MYBL1: variants seen among roughly 807,000 people sequenced by gnomAD.
The protein encoded by MYBL1 is myb-related protein A.
A neutral mutation model predicts 96.3 loss-of-function variants in MYBL1; 17 were observed. That is an observed-to-expected ratio of 0.18 (90% CI 0.12 to 0.26). The LOEUF is 0.26. Ranked by LOEUF, MYBL1 falls within the 10% of genes least tolerant of loss-of-function variation. The pLI is 1.00. For missense variants in MYBL1, 701 were observed against 882.9 expected (o/e 0.79, Z 2.61); for synonymous variants, 282 against 292.7 (o/e 0.96, Z 0.37).
At chr8:66,594,755 G>A (rs1456568668) in intron 6 of MYBL1, among the ~76,000 whole-genome samples, 1 of 152,042 alleles carries the variant, frequency 6.6e-6, no homozygotes, top group African/African-American at 2.4e-5. Flanking sequence ...TACTCTAAGT[G>A]GTTCTTTTAA....
intron 8 of MYBL1, among the ~76,000 whole-genome samples, 179 bp from the exon 9 acceptor site, chr8:66,580,545 A>C (rs972032338): frequency 2.6e-5 from 4 of 152,218 alleles, no homozygotes; most frequent in Admixed American, 6.5e-5. Flanking sequence ...TTTCTAATTA[A>C]AATTTTTAAT....
chr8:66,573,906 T>G (rs1808832657), intron 10 of MYBL1, among the ~76,000 whole-genome samples: 1 of 152,202 alleles, frequency 6.6e-6, no homozygotes. Context: ...TTAGCTCTTA[T>G]TAATAAATGA....
Position 66,566,081 on chromosome 8 carries a change from A to C in MYBL1, c.2113T>G (p.Leu705Val). Residue 705 changes from leucine (L) to valine (V), a missense_variant, in exon 15 of 16, where the codon TTG becomes GTG. Leu to Val is a conservative substitution (Grantham distance 32). Around this residue, in one of 5 missense-constraint regions of MYBL1, gnomAD observed 137 missense variants for 137.5 expected, o/e 1.00. Coordinates refer to ENST00000522677, the MANE Select transcript of MYBL1 (RefSeq NM_001080416.4). ...PNPNTSKVVKLEKNLQSNCEW... is the reference protein window; with the variant it reads ...PNPNTSKVVKVEKNLQSNCEW... ...ATCCATACCTGAAGATTCTTTTCCA[A>C]TTTGACAACTTTGGAAGTGTTAGGG... 1.3e-6 allele frequency: 2 copies of C among 1,530,050 alleles called. No homozygotes were observed. Among genetic ancestry groups the C allele is most frequent in the Non-Finnish European group, 1.8e-6 (2 of 1,137,136 alleles). 94.8% of individuals were successfully genotyped at this position (1,530,050 alleles called of 1,614,324 possible).
rs1286942288 is a variant in MYBL1 at position 66,566,130 on chromosome 8, A to G, written c.2064T>C (p.Tyr688=). ...KQDINSTNKT[Y]TLTKKKPNPN... is the part of the protein sequence containing the mutation. ...GGTTTGGTTTCTTTTTAGTAAGTGT[A>G]TATGTTTTGTTGGTTGAATTTATAT... The change falls in exon 15 of 16, where the codon TAT becomes TAC. Residue 688 remains tyrosine, a synonymous_variant. Coordinates refer to ENST00000522677, the MANE Select transcript of MYBL1 (RefSeq NM_001080416.4). 2 of 1,545,404 alleles carry G rather than the reference A, an allele frequency of 1.3e-6. No homozygotes were observed. The highest frequency in any genetic ancestry group is 2.0e-5 in the Admixed American group (1 of 50,824).
In MYBL1 at chr8:66,591,278, C is replaced by T. The variant is rs544230094; in HGVS notation, c.867+1162G>A. ...AGGAGAATGACGTGAACCCAGGAGG[C>T]GGAGCTTGCAGTGAGCCAAGATCAC... On this transcript the variant is annotated intron_variant, in intron 8 of 15. Coordinates refer to ENST00000522677, the MANE Select transcript of MYBL1 (RefSeq NM_001080416.4). 5.0e-3 allele frequency among the ~76,000 whole-genome samples: 755 copies of T among 151,746 alleles called. 4 individuals are homozygous for T. The highest frequency in any genetic ancestry group is 0.01 in the Middle Eastern group (3 of 294).
chr8:66,590,934 A>C (rs909981274), intron 8 of MYBL1, among the ~76,000 whole-genome samples: 1 of 152,224 alleles, frequency 6.6e-6, no homozygotes, highest in Non-Finnish European at 1.5e-5. Flanking sequence ...CCCAAGACAG[A>C]GAAATTATAA....
intron 8 of MYBL1, among the ~76,000 whole-genome samples, chr8:66,589,131 C>G (rs773072490): frequency 6.6e-6 from 1 of 152,112 alleles, no homozygotes; most frequent in Admixed American, 6.5e-5. Context: ...TTTATGAGAA[C>G]AGATTTTAGA....
intron 12 of MYBL1, among the ~76,000 whole-genome samples, chr8:66,567,828 C>G (rs947262094): frequency 1.3e-5 from 2 of 152,024 alleles, no homozygotes; most frequent in African/African-American, 4.8e-5. Flanking sequence ...CTTTGGGAGG[C>G]TGAGGCGGGT....
Position 66,566,063 on chromosome 8 carries a change from C to A in MYBL1, c.2130+1G>T. 1 of 1,504,026 alleles carries A rather than the reference C, an allele frequency of 6.6e-7. No individual in the cohort carries two copies. The highest frequency in any genetic ancestry group is 2.6e-5 in the East Asian group (1 of 38,800). The allele number at this position is 1,504,026 out of a possible 1,614,324, so 93.2% of individuals were successfully genotyped here. On this transcript the variant is annotated splice_donor_variant, in intron 15 of 15. Transcript: ENST00000522677. LOFTEE classifies it high-confidence loss of function. Reference sequence around the variant, plus strand: ...CACTAAAGAAATTTATAAATCCATACCTGAAGATTCTTTTCCAATTTGACA... The same window carrying A: ...CACTAAAGAAATTTATAAATCCATAACTGAAGATTCTTTTCCAATTTGACA...
intron 8 of MYBL1, among the ~76,000 whole-genome samples, chr8:66,586,532 A>G (rs1468286724): frequency 6.6e-6 from 1 of 152,210 alleles, no homozygotes; most frequent in Non-Finnish European, 1.5e-5. Flanking sequence ...ACAAAAAATA[A>G]CAGATGCTGG....
intron 8 of MYBL1, among the ~76,000 whole-genome samples, chr8:66,587,195 AT>A (rs1809454189): frequency 6.6e-6 from 1 of 152,208 alleles, no homozygotes; most frequent in African/African-American, 2.4e-5. Flanking sequence ...TCAAATAACT[AT>A]AAAAGCAGGA....
chr8:66,578,743 G>C (rs1400447324), intron 9 of MYBL1, among the ~76,000 whole-genome samples: 1 of 152,164 alleles, frequency 6.6e-6, no homozygotes, highest in Non-Finnish European at 1.5e-5. Context: ...TATACCCAAA[G>C]GACTATAAAT....
chr8:66,562,775 T>A lies in MYBL1; in HGVS notation c.*1922A>T, dbSNP rs1309938674. 1 of 152,388 alleles carries A rather than the reference T, an allele frequency of 6.6e-6. No individual in the cohort carries two copies. The highest frequency in any genetic ancestry group is 1.5e-5 in the Non-Finnish European group (1 of 67,966). 9.4% of individuals were successfully genotyped at this position (152,388 alleles called of 1,614,324 possible). On this transcript the variant is annotated 3_prime_UTR_variant, in exon 16 of 16. Coordinates refer to ENST00000522677, the MANE Select transcript of MYBL1 (RefSeq NM_001080416.4). ...TGCTACAATCATTGGTTTCACTAAG[T>A]GAAATTTCTGTGAGAAGTTCATTAA...
rs2129669604 is a variant in MYBL1, at chr8:66,564,649, T to C, written c.*48A>G. The C allele has an allele frequency of 6.9e-7, 1 of 1,458,030 alleles. No homozygotes were observed. The highest frequency in any genetic ancestry group is 1.8e-4 in the Middle Eastern group (1 of 5,626). The allele number at this position is 1,458,030 out of a possible 1,614,324, so 90.3% of individuals were successfully genotyped here. A position where few individuals can be genotyped will look rare whatever the true frequency, so the allele number is the denominator to read the frequency against. ...AAAATTTCACTGCAACCTAATTTAG[T>C]AGAGACTGCAGTAAGGGAGTGGGGC... On this transcript the variant is annotated 3_prime_UTR_variant, in exon 16 of 16. Coordinates refer to ENST00000522677, the MANE Select transcript of MYBL1 (RefSeq NM_001080416.4).
intron 9 of MYBL1, among the ~76,000 whole-genome samples, chr8:66,579,389 G>T (rs1452935301): frequency 1.3e-5 from 2 of 151,990 alleles, no homozygotes; most frequent in Non-Finnish European, 2.9e-5. Context: ...AGGCATGGTG[G>T]CTCATGCCTG....
At chr8:66,601,826 T>G (rs1225968485) in intron 2 of MYBL1, 57 bp from the exon 3 acceptor site, 3 of 792,654 alleles carry the variant, frequency 3.8e-6, no homozygotes, top group Non-Finnish European at 6.1e-6. Flanking sequence ...CCTCTACCCC[T>G]AAATATAGAT....
At chr8:66,589,274 T>C (rs749104565) in intron 8 of MYBL1, among the ~76,000 whole-genome samples, 4 of 151,880 alleles carry the variant, frequency 2.6e-5, no homozygotes, top group Non-Finnish European at 4.4e-5. Context: ...AAACATGATA[T>C]AATCATCTAC....
intron 12 of MYBL1, among the ~76,000 whole-genome samples, chr8:66,569,780 T>C (rs1808657703): frequency 6.6e-6 from 1 of 152,268 alleles, no homozygotes; most frequent in African/African-American, 2.4e-5. Context: ...TTCTCTTAAT[T>C]GTTCTAATGT....
intron 11 of MYBL1, among the ~76,000 whole-genome samples, chr8:66,572,837 T>C (rs1231443554): frequency 6.6e-6 from 1 of 152,184 alleles, no homozygotes; most frequent in Non-Finnish European, 1.5e-5. Flanking sequence ...GAAAAAGTAC[T>C]AGAAATGATT....
Sources: gnomAD v4.1 joint callset for allele counts (sites outside exome capture counted in the v4.1 genomes callset) on GRCh38, gnomAD v4.1.1 for gene constraint, gnomAD v4.1.1 regional missense constraint, MANE v1.5 for transcripts, NCBI Gene and HGNC (gene_info 2026-07-23, HGNC 2026-07-21) for gene names.